The following SEPTIN9 variants were observed in gnomAD, a reference collection of about 807,000 sequenced individuals.
SEPTIN9 encodes the protein septin-9.
In SEPTIN9, 13 loss-of-function variants were observed where a neutral mutation model predicts 56.6. The observed-to-expected ratio is 0.23, with a 90% CI of 0.15 to 0.37. The LOEUF (loss-of-function observed/expected upper bound fraction) is 0.37, where lower values mean the gene tolerates loss of function less well. SEPTIN9 is among the 10% of genes least tolerant of loss of function. The probability of loss-of-function intolerance (pLI) is 1.00; values close to 1 mark genes in which losing one functional copy is unlikely to be tolerated. For missense variants in SEPTIN9, 650 were observed against 823.1 expected (o/e 0.79, Z 2.57); for synonymous variants, 332 against 334.1 (o/e 0.99, Z 0.07).
intron 3 of SEPTIN9, among the ~76,000 whole-genome samples, chr17:77,478,759 G>A (rs998124828): frequency 8.6e-5 from 13 of 150,610 alleles, no homozygotes; most frequent in African/African-American, 2.9e-4. Flanking sequence ...AGCCGAGATC[G>A]CGCCATTGCA....
chr17:77,295,485 T>A (rs1422308436), intron 1 of SEPTIN9, among the ~76,000 whole-genome samples: 1 of 151,680 alleles, frequency 6.6e-6, no homozygotes, highest in African/African-American at 2.4e-5. Flanking sequence ...GGTGGAGAGC[T>A]CCCGCGCCCT....
chr17:77,400,112 G>T lies in SEPTIN9; in HGVS notation c.77-1947G>T, dbSNP rs1382759417. Among the ~76,000 whole-genome samples the T allele has an allele frequency of 6.6e-6, 1 of 152,298 alleles. No homozygotes were observed. The highest frequency in any genetic ancestry group is 1.5e-5 in the Non-Finnish European group (1 of 68,038). On this transcript the variant is annotated intron_variant, in intron 2 of 11. Coordinates refer to ENST00000427177, the MANE Select transcript of SEPTIN9 (RefSeq NM_001113491.2). This position sits in a 1 kb window ranked among gnomAD's most constrained non-coding sequence, Gnocchi z 4.1. ...CTGCCTCAGCCTCCTGAGTAGCTGGGACTATAGGCGAGTGTCACCATGCCC... is the reference window on the plus strand; with the variant it reads ...CTGCCTCAGCCTCCTGAGTAGCTGGTACTATAGGCGAGTGTCACCATGCCC...
rs556520639 is a variant in SEPTIN9, at chr17:77,318,526, T to A, written c.76+11329T>A. On this transcript the variant is annotated intron_variant, in intron 2 of 11. Transcript: ENST00000427177. This position sits in a 1 kb window ranked among gnomAD's most constrained non-coding sequence, Gnocchi z 4.9. ...CCATTATTCAGCCTTCTCTCGTGAC[T>A]ATGATCCCTCCCTTCCTCCCCAGCC... 1.3e-5 allele frequency among the ~76,000 whole-genome samples: 2 copies of A among 152,310 alleles called. No individual in the cohort carries two copies. The highest frequency in any genetic ancestry group is 4.1e-4 in the South Asian group (2 of 4,834).
rs149418698 is a variant in SEPTIN9, at chr17:77,485,716, G to A, written c.914-1708G>A. On this transcript the variant is annotated intron_variant, in intron 4 of 11. Coordinates refer to ENST00000427177, the MANE Select transcript of SEPTIN9 (RefSeq NM_001113491.2). ...AGAGAGAGATGGACGAGGAGTGTCC[G>A]TCCTTGGGCTACTAAACAGTTCAGG... is the stretch of plus-strand genomic sequence containing the variant. Among the ~76,000 whole-genome samples the A allele has an allele frequency of 2.6e-3, 401 of 152,094 alleles. 4 individuals are homozygous for A. The highest frequency in any genetic ancestry group is 0.014 in the Middle Eastern group (4 of 294).
At position 77,343,994 on chromosome 17, in the gene SEPTIN9, G is replaced by A. The variant is rs190574738; in HGVS notation, c.76+36797G>A. On this transcript the variant is annotated intron_variant, in intron 2 of 11. Transcript: ENST00000427177. Reference sequence around the variant, plus strand: ...GCAATGCTTTCTTGGATGTGACACCGAAAATACAACAAAAGAAATAAATGA... The same window carrying A: ...GCAATGCTTTCTTGGATGTGACACCAAAAATACAACAAAAGAAATAAATGA... Among the ~76,000 whole-genome samples, 273 of 152,212 alleles carry A rather than the reference G, an allele frequency of 1.8e-3. 1 individual carries two copies. Among genetic ancestry groups the A allele is most frequent in the African/African-American group, 6.3e-3 (262 of 41,546 alleles).
At chr17:77,358,652 T>G (rs1206880186) in intron 2 of SEPTIN9, among the ~76,000 whole-genome samples, 1 of 151,962 alleles carries the variant, frequency 6.6e-6, no homozygotes, top group African/African-American at 2.4e-5. Flanking sequence ...AAATAATAAA[T>G]AAATAAAATA....
At chr17:77,346,278 CTTTTT>C (rs577131369) in intron 2 of SEPTIN9, among the ~76,000 whole-genome samples, 491 of 46,302 alleles carry the variant, frequency 0.011, 1 homozygote, top group African/African-American at 0.029. Context: ...ATCCTTAGGT[CTTTTT>C]TTTTTTTTTT....
Position 77,458,024 on chromosome 17 carries a change from G to T in SEPTIN9, c.722-24120G>T, listed in dbSNP as rs548838764. Among the ~76,000 whole-genome samples, 40 of 152,320 alleles carry T rather than the reference G, an allele frequency of 2.6e-4. No homozygotes were observed. In the South Asian group the frequency reaches 8.1e-3, roughly 31 times the overall value. ...CAGGCTTCCTGGACTCACCCTGAAG[G>T]GGGGCTGGATTTTCTGCCTGTCCCG... On this transcript the variant is annotated intron_variant, in intron 3 of 11. Transcript: ENST00000427177.
rs141890892 is a variant in SEPTIN9, at chr17:77,329,254, G to A, written c.76+22057G>A. 1.1e-3 allele frequency among the ~76,000 whole-genome samples: 175 copies of A among 152,298 alleles called. 1 individual carries two copies. Among genetic ancestry groups the A allele is most frequent in the Middle Eastern group, 6.8e-3 (2 of 294 alleles). On this transcript the variant is annotated intron_variant, in intron 2 of 11. Coordinates refer to ENST00000427177, the MANE Select transcript of SEPTIN9 (RefSeq NM_001113491.2). The surrounding 1 kb of genome is among the most constrained non-coding windows in gnomAD (Gnocchi z 4.3). Reference sequence around the variant, plus strand: ...GCAGGCCCTGCAGCTGGAGAGGGAGGATCAGGATCTCTTTAGAGAGGAAGT... The same window carrying A: ...GCAGGCCCTGCAGCTGGAGAGGGAGAATCAGGATCTCTTTAGAGAGGAAGT...
Position 77,475,684 on chromosome 17 carries a change from G to A in SEPTIN9, c.722-6460G>A, listed in dbSNP as rs2039181420. 7 of 1,613,760 alleles carry A rather than the reference G, an allele frequency of 4.3e-6. No homozygotes were observed. Among genetic ancestry groups the A allele is most frequent in the Non-Finnish European group, 5.9e-6 (7 of 1,179,888 alleles). ...TAAGGAGACTGCTGGGCCCACGCTG[G>A]GCCGGGGTGGATGGAGGCAAGGAAG... On this transcript the variant is annotated intron_variant, in intron 3 of 11. Coordinates refer to ENST00000427177, the MANE Select transcript of SEPTIN9 (RefSeq NM_001113491.2). This position sits in a 1 kb window ranked among gnomAD's most constrained non-coding sequence, Gnocchi z 4.6.
intron 2 of SEPTIN9, among the ~76,000 whole-genome samples, chr17:77,393,424 A>T (rs1443638807): frequency 6.6e-6 from 1 of 152,094 alleles, no homozygotes; most frequent in Non-Finnish European, 1.5e-5. Context: ...AGTGGGCGTG[A>T]TTGGTAGCAG....
chr17:77,397,487 C>T (rs773601571), intron 2 of SEPTIN9, among the ~76,000 whole-genome samples: 2 of 152,126 alleles, frequency 1.3e-5, no homozygotes, highest in African/African-American at 2.4e-5. Context: ...TTCGTGGGTT[C>T]TTGGGGTTAG....
intron 4 of SEPTIN9, among the ~76,000 whole-genome samples, chr17:77,486,456 G>C (rs887912482): frequency 1.3e-5 from 2 of 151,694 alleles, no homozygotes; most frequent in African/African-American, 2.4e-5. Flanking sequence ...GCTCTGTGCA[G>C]GGTAAAGCAA....
chr17:77,351,480 C>T (rs1413816489), intron 2 of SEPTIN9, among the ~76,000 whole-genome samples: 1 of 152,190 alleles, frequency 6.6e-6, no homozygotes, highest in Non-Finnish European at 1.5e-5. Flanking sequence ...GTCCCGGGCT[C>T]TGGAGGGCTT....
At chr17:77,298,485 C>T (rs2031908730) in intron 1 of SEPTIN9, among the ~76,000 whole-genome samples, 1 of 152,236 alleles carries the variant, frequency 6.6e-6, no homozygotes, top group South Asian at 2.1e-4. Context: ...GCCTTCCCCA[C>T]CGCAGCTGCT....
chr17:77,476,035 C>G lies in SEPTIN9; in HGVS notation c.722-6109C>G. 1 of 971,000 alleles carries G rather than the reference C, an allele frequency of 1.0e-6. No homozygotes were observed. The highest frequency in any genetic ancestry group is 1.6e-5 in the South Asian group (1 of 64,304). The allele number at this position is 971,000 out of a possible 1,614,324, so 60.1% of individuals were successfully genotyped here. ...TGGGGTGCAGGCCCGGCTGTCACTC[C>G]CCTGGAGCTGGGAATGGCATTGGGC... On this transcript the variant is annotated intron_variant, in intron 3 of 11. Transcript: ENST00000427177. This position sits in a 1 kb window ranked among gnomAD's most constrained non-coding sequence, Gnocchi z 6.0.
intron 1 of SEPTIN9, among the ~76,000 whole-genome samples, chr17:77,300,210 G>A (rs2031977129): frequency 6.6e-6 from 1 of 152,160 alleles, no homozygotes; most frequent in Non-Finnish European, 1.5e-5. Context: ...CAATTCTTCT[G>A]CCTCAGCCTC....
intron 2 of SEPTIN9, among the ~76,000 whole-genome samples, chr17:77,401,622 TATA>T (rs1391654655): frequency 6.6e-6 from 1 of 151,768 alleles, no homozygotes; most frequent in Non-Finnish European, 1.5e-5. Flanking sequence ...GGCCCGTGCC[TATA>T]ATCCCAGCTA....
intron 3 of SEPTIN9, among the ~76,000 whole-genome samples, chr17:77,460,014 T>TGACC (rs2038392124): frequency 6.6e-6 from 1 of 152,042 alleles, no homozygotes; most frequent in African/African-American, 2.4e-5. Context: ...CCGGACTTTG[T>TGACC]GACCGTGGGG....
Sources: gnomAD v4.1 joint callset for allele counts (sites outside exome capture counted in the v4.1 genomes callset) on GRCh38, gnomAD v4.1.1 for gene constraint, Gnocchi (gnomAD v3.1) non-coding constraint, MANE v1.5 for transcripts, NCBI Gene and HGNC (gene_info 2026-07-23, HGNC 2026-07-21) for gene names.